The following PCP4 variants were observed in gnomAD, a reference collection of about 807,000 sequenced individuals.
PCP4 encodes the protein Purkinje cell protein 4.
In PCP4, 8 loss-of-function variants were observed where a neutral mutation model predicts 10.0. That is an observed-to-expected ratio of 0.80 (90% CI 0.47 to 1.45). PCP4 has a LOEUF of 1.45. Among genes scored for constraint, PCP4 ranks in the 40% most tolerant of loss-of-function variants. The pLI is 0.00. For missense variants in PCP4, 54 were observed against 74.4 expected (o/e 0.73, Z 1.01); for synonymous variants, 21 against 23.0 (o/e 0.91, Z 0.24).
intron 1 of PCP4, among the ~76,000 whole-genome samples, chr21:39,872,060 G>A (rs545717824): frequency 1.3e-5 from 2 of 152,162 alleles, no homozygotes; most frequent in East Asian, 1.9e-4. Flanking sequence ...GTGCAGTAGC[G>A]CGATCTTGGC....
At chr21:39,886,503 G>A (rs773133366) in intron 1 of PCP4, among the ~76,000 whole-genome samples, 1 of 152,224 alleles carries the variant, frequency 6.6e-6, no homozygotes, top group African/African-American at 2.4e-5. Context: ...TACTTGGGAG[G>A]CTGAGGCAGG....
intron 2 of PCP4, among the ~76,000 whole-genome samples, chr21:39,917,605 A>G (rs2087575435): frequency 6.6e-6 from 1 of 152,152 alleles, no homozygotes; most frequent in African/African-American, 2.4e-5. Flanking sequence ...CCAGAGAAAA[A>G]CAAGCCTGGG....
intron 2 of PCP4, among the ~76,000 whole-genome samples, chr21:39,907,312 C>T (rs747103719): frequency 4.6e-5 from 7 of 152,040 alleles, no homozygotes; most frequent in South Asian, 2.1e-4. Context: ...CTTCGGACCC[C>T]GGGCAGAAGT....
chr21:39,928,009 C>T (rs1046070231), intron 2 of PCP4, among the ~76,000 whole-genome samples: 1 of 152,126 alleles, frequency 6.6e-6, no homozygotes, highest in Non-Finnish European at 1.5e-5. Context: ...GATGTTTAGC[C>T]TTCATCAGAC....
chr21:39,884,551 C>G (rs1489361205), intron 1 of PCP4, among the ~76,000 whole-genome samples: 4 of 152,020 alleles, frequency 2.6e-5, no homozygotes, highest in Non-Finnish European at 4.4e-5. Flanking sequence ...AATCCCAGCA[C>G]TCTGGGAGGC....
At chr21:39,895,086 C>T (rs190839245) in intron 1 of PCP4, among the ~76,000 whole-genome samples, 130 of 151,650 alleles carry the variant, frequency 8.6e-4, no homozygotes, top group African/African-American at 2.6e-3. Flanking sequence ...CATCCATCCA[C>T]CCACCCATCC....
chr21:39,898,579 T>A (rs939101379), intron 2 of PCP4, 52 bp downstream of exon 2: 4 of 1,390,474 alleles, frequency 2.9e-6, no homozygotes, highest in Non-Finnish European at 3.1e-6. Context: ...TCTGCAGCCC[T>A]GGGTATGCAG....
intron 2 of PCP4, among the ~76,000 whole-genome samples, chr21:39,927,311 TATCTATCTATC>T (rs1345904293): frequency 2.4e-4 from 28 of 117,510 alleles, no homozygotes; most frequent in Middle Eastern, 5.1e-3. Context: ...TCTATCTATC[TATCTATCTATC>T]ATCTATCTAT....
rs1461567790 is a variant in PCP4 at position 39,906,982 on chromosome 21, T to C, written c.61+8455T>C. Among the ~76,000 whole-genome samples the C allele has an allele frequency of 6.6e-6, 1 of 152,184 alleles. No homozygotes were observed. The highest frequency in any genetic ancestry group is 1.5e-5 in the Non-Finnish European group (1 of 68,040). On this transcript the variant is annotated intron_variant, in intron 2 of 2. Transcript: ENST00000328619. This position sits in a 1 kb window ranked among gnomAD's most constrained non-coding sequence, Gnocchi z 6.3. The stretch of plus-strand genomic sequence containing the variant: ...AGTAGGTGAAACACTCATAATCTTA[T>C]TTATAGAATTAATGTGCACAGCAGG...
chr21:39,873,454 G>A (rs1354621100), intron 1 of PCP4, among the ~76,000 whole-genome samples: 1 of 151,866 alleles, frequency 6.6e-6, no homozygotes, highest in Non-Finnish European at 1.5e-5. Flanking sequence ...AAATATTTTA[G>A]TAAATTTATA....
chr21:39,923,035 CTG>C (rs777313067), intron 2 of PCP4, among the ~76,000 whole-genome samples: 2 of 152,202 alleles, frequency 1.3e-5, no homozygotes, highest in Non-Finnish European at 1.5e-5. Context: ...TATCTCTTGA[CTG>C]TTCTGTGGTC....
At chr21:39,921,643 A>C (rs1322020437) in intron 2 of PCP4, among the ~76,000 whole-genome samples, 1 of 152,200 alleles carries the variant, frequency 6.6e-6, no homozygotes, top group Non-Finnish European at 1.5e-5. Context: ...TTGTAACTAC[A>C]TTTGGAGATG....
intron 1 of PCP4, among the ~76,000 whole-genome samples, chr21:39,879,734 C>T (rs1436807804): frequency 6.6e-6 from 1 of 152,210 alleles, no homozygotes; most frequent in Non-Finnish European, 1.5e-5. Flanking sequence ...GTAACCCGCC[C>T]TGCTGGCCCC....
chr21:39,921,639 C>CTG (rs1248608554), intron 2 of PCP4, among the ~76,000 whole-genome samples: 1 of 152,178 alleles, frequency 6.6e-6, no homozygotes, highest in Non-Finnish European at 1.5e-5. Flanking sequence ...CAGATTGTAA[C>CTG]TACATTTGGA....
chr21:39,869,355 G>A (rs973469348), intron 1 of PCP4, among the ~76,000 whole-genome samples: 1 of 152,200 alleles, frequency 6.6e-6, no homozygotes, highest in African/African-American at 2.4e-5. Context: ...TCACAGCCTG[G>A]TTCCTGCTGA....
intron 2 of PCP4, among the ~76,000 whole-genome samples, chr21:39,924,742 C>T (rs1012770232): frequency 5.3e-5 from 8 of 152,116 alleles, no homozygotes; most frequent in South Asian, 2.1e-4. Flanking sequence ...TTTGTAGAAA[C>T]GGTGTCTCCA....
At chr21:39,914,589 A>AAG (rs1555850144) in intron 2 of PCP4, among the ~76,000 whole-genome samples, 4 of 149,074 alleles carry the variant, frequency 2.7e-5, no homozygotes, top group African/African-American at 7.3e-5. Flanking sequence ...AAAAAAAAAG[A>AAG]AAAAAAAAAG....
chr21:39,923,733 A>C (rs2087607866), intron 2 of PCP4, among the ~76,000 whole-genome samples: 1 of 152,174 alleles, frequency 6.6e-6, no homozygotes, highest in East Asian at 1.9e-4. Flanking sequence ...ACATGACGGA[A>C]ATGATTGTAC....
chr21:39,883,032 A>G (rs1002340678), intron 1 of PCP4, among the ~76,000 whole-genome samples: 3 of 152,242 alleles, frequency 2.0e-5, no homozygotes, highest in African/African-American at 7.2e-5. Flanking sequence ...TCTAGCTAGC[A>G]TCTGGCTCAT....
Sources: gnomAD v4.1 joint callset for allele counts (sites outside exome capture counted in the v4.1 genomes callset) on GRCh38, gnomAD v4.1.1 for gene constraint, Gnocchi (gnomAD v3.1) non-coding constraint, MANE v1.5 for transcripts, NCBI Gene and HGNC (gene_info 2026-07-23, HGNC 2026-07-21) for gene names.